ACSS3: variants seen among roughly 807,000 people sequenced by gnomAD.
ACSS3 encodes the protein acyl-CoA synthetase short-chain family member 3, mitochondrial.
Under a neutral mutation model 84.2 loss-of-function variants are expected in ACSS3, and 64 were observed. The ratio of observed to expected loss-of-function variants is 0.76; its 90% CI spans 0.62 to 0.94. The LOEUF (loss-of-function observed/expected upper bound fraction) is 0.94. ACSS3 is among the 40% of genes least tolerant of loss of function. ACSS3 has a pLI of 0.00. For synonymous variants in ACSS3, 317 were observed against 310.1 expected, an observed-to-expected ratio of 1.02 and a Z score of -0.23; for missense variants, 815 against 867.6, an observed-to-expected ratio of 0.94 and a Z score of 0.76.
chr12:81,085,844 C>T (rs1434989346), intron 1 of ACSS3, among the ~76,000 whole-genome samples: 2 of 152,102 alleles, frequency 1.3e-5, no homozygotes, highest in Admixed American at 6.6e-5. Context: ...TAGTATCGTT[C>T]TCTAGAAGAA....
At chr12:81,224,874 G>A (rs962513476) in intron 11 of ACSS3, among the ~76,000 whole-genome samples, 2 of 151,844 alleles carry the variant, frequency 1.3e-5, no homozygotes, top group Non-Finnish European at 2.9e-5. Context: ...CAGATCGGCT[G>A]TCTAGGTGTT....
At position 81,216,918 on chromosome 12, in the gene ACSS3, A is replaced by C. The variant is rs1422251950; in HGVS notation, c.1372A>C (p.Thr458Pro). 1 of 1,610,916 alleles carries C rather than the reference A, an allele frequency of 6.2e-7. No individual in the cohort carries two copies. Among genetic ancestry groups the C allele is most frequent in the Admixed American group, 1.7e-5 (1 of 59,954 alleles). ...WWQTETGSPI[T>P]ASCVGLGNSK... ...TTTTCCAGAGACTGGATCTCCAATT[A>C]CTGCGTCATGTGTTGGATTAGGCAA... The change falls in exon 10 of 16, where the codon ACT becomes CCT. Residue 458 changes from threonine to proline, a missense_variant. Physicochemically the swap from Thr to Pro is conservative, Grantham distance 38. Transcript: ENST00000548058.
At chr12:81,098,006 CTGTG>C (rs913263208) in intron 1 of ACSS3, among the ~76,000 whole-genome samples, 3 of 152,018 alleles carry the variant, frequency 2.0e-5, no homozygotes, top group African/African-American at 7.3e-5. Context: ...GCGCCACTGT[CTGTG>C]TGTGTTGTTT....
intron 3 of ACSS3, 25 bp from the exon 4 acceptor site, chr12:81,139,106 C>T: frequency 6.2e-7 from 1 of 1,605,360 alleles, no homozygotes; most frequent in South Asian, 1.1e-5. Flanking sequence ...AAAGCTTTCT[C>T]TCCATTATTA....
At chr12:81,177,006 T>C (rs143724576) in intron 8 of ACSS3, among the ~76,000 whole-genome samples, 1 of 152,250 alleles carries the variant, frequency 6.6e-6, no homozygotes, top group Non-Finnish European at 1.5e-5. Flanking sequence ...GCAAGGTTGG[T>C]TCAACATATG....
At chr12:81,139,046 G>A (rs557976471) in intron 3 of ACSS3, 85 bp from the exon 4 acceptor site, 1 of 1,386,208 alleles carries the variant, frequency 7.2e-7, no homozygotes, top group Non-Finnish European at 1.0e-6. Flanking sequence ...TACAAATGTT[G>A]AATTGCCAGT....
At chr12:81,121,728 G>A (rs1812699801) in intron 2 of ACSS3, among the ~76,000 whole-genome samples, 2 of 152,098 alleles carry the variant, frequency 1.3e-5, no homozygotes, top group South Asian at 4.2e-4. Flanking sequence ...TGACCCTGGG[G>A]CTTTGAGTTC....
At chr12:81,133,478 G>A (rs1005558704) in intron 2 of ACSS3, among the ~76,000 whole-genome samples, 1 of 151,938 alleles carries the variant, frequency 6.6e-6, no homozygotes, top group Non-Finnish European at 1.5e-5. Flanking sequence ...TTCCTTGATC[G>A]CATCACATAT....
At chr12:81,117,861 C>A (rs7963203) in intron 2 of ACSS3, 2 of 151,942 alleles carry the variant, frequency 1.3e-5, no homozygotes, top group African/African-American at 4.8e-5. Flanking sequence ...CAGTTTGTGC[C>A]GTGAGATTCT....
At position 81,140,584 on chromosome 12, in the gene ACSS3, G is replaced by A. The variant is rs560400571; in HGVS notation, c.780+1319G>A. Among the ~76,000 whole-genome samples the A allele has an allele frequency of 2.0e-5, 3 of 152,270 alleles. No individual in the cohort carries two copies. The East Asian group carries it at 5.8e-4, about 29-fold the overall frequency. On this transcript the variant is annotated intron_variant, in intron 4 of 15. Transcript: ENST00000548058. ...CATTAAATTCCTGTGTAAAGTTTTAGTAGTCTGTGGTTCATGAACTGCTGC... is the reference window on the plus strand; with the variant it reads ...CATTAAATTCCTGTGTAAAGTTTTAATAGTCTGTGGTTCATGAACTGCTGC...
intron 1 of ACSS3, among the ~76,000 whole-genome samples, chr12:81,090,272 A>G (rs1881588413): frequency 6.6e-6 from 1 of 151,916 alleles, no homozygotes; most frequent in Non-Finnish European, 1.5e-5. Context: ...AAGCATTTCA[A>G]TCTTGTTTTC....
intron 3 of ACSS3, among the ~76,000 whole-genome samples, chr12:81,137,887 TC>T (rs1287724113): frequency 6.6e-6 from 1 of 152,122 alleles, no homozygotes; most frequent in African/African-American, 2.4e-5. Flanking sequence ...GCTTTTTTTT[TC>T]CTTTTTGTTT....
At chr12:81,175,030 C>T in intron 8 of ACSS3, 91 bp downstream of exon 8, 9 of 1,375,710 alleles carry the variant, frequency 6.5e-6, no homozygotes, top group Non-Finnish European at 8.7e-6. Context: ...CTGGAATACT[C>T]TTATAGGAAG....
intron 13 of ACSS3, among the ~76,000 whole-genome samples, chr12:81,243,963 G>T (rs567120675): frequency 1.4e-4 from 22 of 151,876 alleles, no homozygotes; most frequent in Non-Finnish European, 2.9e-4. Flanking sequence ...ACAAATTTCT[G>T]ACGTATATTA....
At chr12:81,099,508 C>T (rs1263291855) in intron 1 of ACSS3, among the ~76,000 whole-genome samples, 3 of 152,004 alleles carry the variant, frequency 2.0e-5, no homozygotes, top group Non-Finnish European at 4.4e-5. Flanking sequence ...ATACAAAGTG[C>T]GATATGGCAC....
chr12:81,083,868 A>T (rs1412801954), intron 1 of ACSS3, among the ~76,000 whole-genome samples: 1 of 151,906 alleles, frequency 6.6e-6, no homozygotes, highest in Non-Finnish European at 1.5e-5. Context: ...TACTTGGGAG[A>T]CTGAGGCAGG....
At chr12:81,160,185 A>T (rs1887079446) in intron 7 of ACSS3, among the ~76,000 whole-genome samples, 1 of 152,226 alleles carries the variant, frequency 6.6e-6, no homozygotes, top group African/African-American at 2.4e-5. Flanking sequence ...TTGATATAGC[A>T]GTTGTCATTT....
chr12:81,240,626 G>C (rs769055267), intron 13 of ACSS3, among the ~76,000 whole-genome samples: 1 of 151,464 alleles, frequency 6.6e-6, no homozygotes, highest in Non-Finnish European at 1.5e-5. Context: ...TTCTATTTCT[G>C]TCTTTCTTTC....
intron 9 of ACSS3, among the ~76,000 whole-genome samples, chr12:81,213,313 T>C (rs1413529277): frequency 6.6e-6 from 1 of 152,104 alleles, no homozygotes; most frequent in East Asian, 1.9e-4. Context: ...CAAGAGTGTT[T>C]ATCTTGTCTG....
Sources: allele counts gnomAD v4.1 joint callset (sites outside exome capture counted in the v4.1 genomes callset), GRCh38; gene constraint gnomAD v4.1.1; transcripts MANE v1.5; gene names NCBI Gene and HGNC (gene_info 2026-07-23, HGNC 2026-07-21).